Variants in FAT4 observed in about 807,000 individuals in gnomAD.
The protein encoded by FAT4 is FAT atypical cadherin 4.
FAT4 carries 84 observed loss-of-function variants against 303.9 expected under a neutral mutation model. The observed-to-expected ratio is 0.28, with a 90% CI of 0.23 to 0.33. The LOEUF (loss-of-function observed/expected upper bound fraction) is 0.33. Among genes scored for constraint, FAT4 ranks in the 10% least tolerant of loss-of-function variants. The probability of loss-of-function intolerance (pLI) is 1.00; values close to 1 mark genes in which losing one functional copy is unlikely to be tolerated. For synonymous variants in FAT4, 2,307 were observed against 2,298.8 expected, an observed-to-expected ratio of 1.00 and a Z score of -0.10; for missense variants, 6,005 against 6,146.8, an observed-to-expected ratio of 0.98 and a Z score of 0.77.
Position 125,448,587 on chromosome 4 carries a change from C to T in FAT4, c.7577C>T (p.Ala2526Val), listed in dbSNP as rs1265610513. 23 of 1,613,832 alleles carry T rather than the reference C, an allele frequency of 1.4e-5. No homozygotes were observed. The highest frequency in any genetic ancestry group is 2.2e-5 in the East Asian group (1 of 44,890). ...HIDPLRGAIMAAGPLNGASEV... is the reference protein window; with the variant it reads ...HIDPLRGAIMVAGPLNGASEV... The stretch of plus-strand genomic sequence containing the variant: ...GACCCACTGAGGGGAGCCATTATGG[C>T]CGCCGGACCACTAAACGGAGCTTCA... Residue 2526 changes from alanine (A) to valine (V), a missense_variant, in exon 10 of 18, where the codon GCC becomes GTC. By Grantham distance (64) the Ala-to-Val change is moderately conservative. Coordinates refer to ENST00000394329, the MANE Select transcript of FAT4 (RefSeq NM_001291303.3).
At chr4:125,329,970 C>A (rs1318272345) in intron 2 of FAT4, among the ~76,000 whole-genome samples, 1 of 152,172 alleles carries the variant, frequency 6.6e-6, no homozygotes, top group Non-Finnish European at 1.5e-5. Context: ...TCATCATGCT[C>A]ACTGTTAGTA....
At chr4:125,435,027 T>G (rs565942429) in intron 8 of FAT4, among the ~76,000 whole-genome samples, 2 of 152,218 alleles carry the variant, frequency 1.3e-5, no homozygotes, top group Non-Finnish European at 2.9e-5. Context: ...AGATTCACTG[T>G]GAGGAGAAAC....
In FAT4 at chr4:125,449,326, C is replaced by T. The variant is rs2126057888; in HGVS notation, c.8316C>T (p.Ala2772=). Residue 2772 remains alanine (A), a synonymous_variant, in exon 10 of 18, where the codon GCC becomes GCT. Coordinates refer to ENST00000394329, the MANE Select transcript of FAT4 (RefSeq NM_001291303.3). ...ACATTTTAGATGAAAATGATAATGCCCCTAGGTTTTCTCAGATATTTAGTG... is the reference window on the plus strand; with the variant it reads ...ACATTTTAGATGAAAATGATAATGCTCCTAGGTTTTCTCAGATATTTAGTG... ...MINILDENDN[A]PRFSQIFSAH... 3 of 1,613,710 alleles carry T rather than the reference C, an allele frequency of 1.9e-6. No homozygotes were observed. The highest frequency in any genetic ancestry group is 1.1e-5 in the South Asian group (1 of 91,064).
At chr4:125,385,525 A>C (rs1378288194) in intron 2 of FAT4, among the ~76,000 whole-genome samples, 2 of 152,154 alleles carry the variant, frequency 1.3e-5, no homozygotes, top group Non-Finnish European at 2.9e-5. Context: ...ACATACCTTT[A>C]TTTGAAAACT....
chr4:125,321,222 C>T lies in FAT4; in HGVS notation c.4811C>T (p.Thr1604Ile). 2 of 1,614,170 alleles carry T rather than the reference C, an allele frequency of 1.2e-6. No individual in the cohort carries two copies. The highest frequency in any genetic ancestry group is 2.2e-5 in the South Asian group (2 of 91,084). Residue 1604 changes from threonine (T) to isoleucine (I), a missense_variant, in exon 2 of 18, where the codon ACA becomes ATA. Transcript: ENST00000394329. ...ATCTACAATCTCATAGTTTCAGCAA[C>T]AGACCTTGGGCCTGAAAGGAGGAAA... is the stretch of plus-strand genomic sequence containing the variant. ...QLIYNLIVSA[T>I]DLGPERRKST...
chr4:125,461,088 T>C (rs1264244581), intron 10 of FAT4, among the ~76,000 whole-genome samples: 1 of 152,072 alleles, frequency 6.6e-6, no homozygotes, highest in Non-Finnish European at 1.5e-5. Context: ...TTGTAATCAC[T>C]GTATGTTTTA....
chr4:125,328,787 T>A (rs1316851829), intron 2 of FAT4, among the ~76,000 whole-genome samples: 15 of 152,212 alleles, frequency 9.9e-5, no homozygotes, highest in Admixed American at 9.8e-4. Flanking sequence ...AGGTTGCTTA[T>A]GGAGTTGGTT....
chr4:125,391,673 A>C (rs1282219465), intron 2 of FAT4, among the ~76,000 whole-genome samples: 1 of 152,210 alleles, frequency 6.6e-6, no homozygotes, highest in Non-Finnish European at 1.5e-5. Flanking sequence ...TAAAAGAAAA[A>C]AATAGTAAGT....
Position 125,373,813 on chromosome 4 carries a change from G to A in FAT4, c.5176-24971G>A, listed in dbSNP as rs1733214702. ...AAGCCAAAAGTAACACCCATCAATA[G>A]GGCTACGGCATTCATGCCTTCCTTT... On this transcript the variant is annotated intron_variant, in intron 2 of 17. Transcript: ENST00000394329. Among the ~76,000 whole-genome samples the A allele has an allele frequency of 3.9e-5, 6 of 152,108 alleles. No individual in the cohort carries two copies. The South Asian group carries it at 1.0e-3, about 26-fold the overall frequency.
At chr4:125,397,719 A>C (rs1321731641) in intron 2 of FAT4, among the ~76,000 whole-genome samples, 1 of 152,156 alleles carries the variant, frequency 6.6e-6, no homozygotes, top group Non-Finnish European at 1.5e-5. Flanking sequence ...TAATGATGAC[A>C]GTCCTACTTA....
chr4:125,371,028 A>G (rs1176907353), intron 2 of FAT4, among the ~76,000 whole-genome samples: 2 of 151,772 alleles, frequency 1.3e-5, no homozygotes. Flanking sequence ...CATGCCTGTA[A>G]TCCCAGCTAC....
At chr4:125,489,454 T>C (rs1203304523) in intron 17 of FAT4, among the ~76,000 whole-genome samples, 2 of 152,248 alleles carry the variant, frequency 1.3e-5, no homozygotes, top group Non-Finnish European at 1.5e-5. Context: ...TGGTGTATTA[T>C]CACCTTCAAT....
chr4:125,365,958 G>A (rs191560903), intron 2 of FAT4, among the ~76,000 whole-genome samples: 39 of 152,174 alleles, frequency 2.6e-4, no homozygotes, highest in African/African-American at 9.4e-4. Flanking sequence ...ATTACCACCT[G>A]AGCTCTGCCT....
chr4:125,341,339 G>C (rs1167479617), intron 2 of FAT4, among the ~76,000 whole-genome samples: 1 of 152,128 alleles, frequency 6.6e-6, no homozygotes, highest in African/African-American at 2.4e-5. Context: ...GCCTGAGGCA[G>C]TGGTTATATG....
intron 14 of FAT4, among the ~76,000 whole-genome samples, chr4:125,477,862 ATATTT>A (rs1384796546): frequency 6.6e-6 from 1 of 152,168 alleles, no homozygotes; most frequent in Non-Finnish European, 1.5e-5. Context: ...TAGAAATTAC[ATATTT>A]TATTTTAAAA....
In FAT4 at chr4:125,376,442, C is replaced by A. The variant is rs1052576543; in HGVS notation, c.5176-22342C>A. On this transcript the variant is annotated intron_variant, in intron 2 of 17. Transcript: ENST00000394329. ...ACACCGGGGCCTGTCGTGACCGGGG[C>A]CTGTCGTGGGGTGAGGGGAGGGGAG... Among the ~76,000 whole-genome samples the A allele has an allele frequency of 5.3e-5, 8 of 152,060 alleles. No individual in the cohort carries two copies. The South Asian group carries it at 1.7e-3, about 32-fold the overall frequency.
intron 7 of FAT4, 94 bp downstream of exon 7, chr4:125,416,716 T>A: frequency 7.9e-7 from 1 of 1,264,464 alleles, no homozygotes; most frequent in Non-Finnish European, 1.1e-6. Flanking sequence ...GAGGCCAAGG[T>A]GGATGGATTA....
At chr4:125,328,460 G>A (rs1302799057) in intron 2 of FAT4, among the ~76,000 whole-genome samples, 2 of 152,130 alleles carry the variant, frequency 1.3e-5, no homozygotes, top group African/African-American at 2.4e-5. Context: ...GTTTCCAGAC[G>A]TGTATGCATT....
chr4:125,325,358 G>T (rs1301808898), intron 2 of FAT4, among the ~76,000 whole-genome samples: 1 of 152,104 alleles, frequency 6.6e-6, no homozygotes, highest in Non-Finnish European at 1.5e-5. Flanking sequence ...ACCTGTTGGT[G>T]ATGGTTAGAA....
Sources: allele counts gnomAD v4.1 joint callset (sites outside exome capture counted in the v4.1 genomes callset), GRCh38; gene constraint gnomAD v4.1.1; transcripts MANE v1.5; gene names NCBI Gene and HGNC (gene_info 2026-07-23, HGNC 2026-07-21).